The following CNTN5 variants were observed in gnomAD, a reference collection of about 807,000 sequenced individuals.
The protein encoded by CNTN5 is contactin 5.
CNTN5 carries 77 observed loss-of-function variants against 129.1 expected under a neutral mutation model. That is an observed-to-expected ratio of 0.60 (90% CI 0.50 to 0.72). CNTN5 has a LOEUF of 0.72. Among genes scored for constraint, CNTN5 ranks in the 30% least tolerant of loss-of-function variants. The probability of loss-of-function intolerance (pLI) is 0.00; values close to 1 mark genes in which losing one functional copy is unlikely to be tolerated. For missense variants in CNTN5, 1,478 were observed against 1,328.8 expected, an observed-to-expected ratio of 1.11 and a Z score of -1.75; for synonymous variants, 509 against 465.6, an observed-to-expected ratio of 1.09 and a Z score of -1.20.
chr11:99,201,915 T>C (rs1448133794), intron 1 of CNTN5, among the ~76,000 whole-genome samples: 3 of 152,226 alleles, frequency 2.0e-5, no homozygotes, highest in African/African-American at 7.2e-5. Flanking sequence ...GATAGTAGAC[T>C]TGTCTTGTTT....
intron 3 of CNTN5, among the ~76,000 whole-genome samples, chr11:99,783,176 T>G (rs1193925714): frequency 3.4e-5 from 3 of 88,454 alleles, no homozygotes; most frequent in Non-Finnish European, 7.0e-5. Flanking sequence ...AACAGACACT[T>G]CTCAAAAGAA....
intron 3 of CNTN5, among the ~76,000 whole-genome samples, chr11:99,678,198 A>G (rs1953383987): frequency 6.6e-6 from 1 of 152,114 alleles, no homozygotes; most frequent in African/African-American, 2.4e-5. Flanking sequence ...TATTCAGCGA[A>G]TTTCTGAATA....
intron 1 of CNTN5, among the ~76,000 whole-genome samples, chr11:99,220,589 CA>C (rs1406327352): frequency 6.6e-6 from 1 of 151,888 alleles, no homozygotes; most frequent in African/African-American, 2.4e-5. Context: ...AAAGTCATTA[CA>C]AAAGTTATAT....
At chr11:100,154,298 G>A (rs1947162458) in intron 13 of CNTN5, among the ~76,000 whole-genome samples, 1 of 152,020 alleles carries the variant, frequency 6.6e-6, no homozygotes, top group African/African-American at 2.4e-5. Context: ...TTTTATGGCT[G>A]CATAGTATTC....
intron 1 of CNTN5, among the ~76,000 whole-genome samples, chr11:99,124,105 T>C (rs1021081662): frequency 5.3e-5 from 8 of 152,106 alleles, no homozygotes; most frequent in African/African-American, 1.9e-4. Flanking sequence ...ATTACATTTA[T>C]AAATGGCTTT....
At chr11:99,751,444 T>A (rs893010493) in intron 3 of CNTN5, among the ~76,000 whole-genome samples, 1 of 151,436 alleles carries the variant, frequency 6.6e-6, no homozygotes, top group Non-Finnish European at 1.5e-5. Flanking sequence ...GAGAGAAGTA[T>A]TTAAATGGGA....
chr11:99,817,981 A>G (rs897522888), intron 3 of CNTN5, among the ~76,000 whole-genome samples: 2 of 152,192 alleles, frequency 1.3e-5, no homozygotes, highest in Non-Finnish European at 2.9e-5. Flanking sequence ...TGTGGAAAAC[A>G]TCTAAAAATA....
At chr11:100,033,284 G>A (rs1941817588) in intron 9 of CNTN5, among the ~76,000 whole-genome samples, 1 of 152,076 alleles carries the variant, frequency 6.6e-6, no homozygotes, top group African/African-American at 2.4e-5. Context: ...GTGAGAGTGA[G>A]GCAGGAAATA....
chr11:100,151,289 T>A (rs1190039791), intron 13 of CNTN5, among the ~76,000 whole-genome samples: 1 of 152,192 alleles, frequency 6.6e-6, no homozygotes, highest in Non-Finnish European at 1.5e-5. Context: ...AAATATACCA[T>A]GTATGTTTAT....
intron 3 of CNTN5, among the ~76,000 whole-genome samples, chr11:99,640,966 G>A (rs1040421507): frequency 3.3e-5 from 5 of 152,164 alleles, no homozygotes; most frequent in African/African-American, 1.2e-4. Context: ...TGCCTAGTCA[G>A]ACTAACATCT....
intron 7 of CNTN5, among the ~76,000 whole-genome samples, chr11:99,927,850 A>C (rs1039962816): frequency 3.9e-5 from 6 of 152,128 alleles, no homozygotes; most frequent in African/African-American, 1.4e-4. Flanking sequence ...AACAGTCCCC[A>C]AAAATCTTAA....
intron 1 of CNTN5, among the ~76,000 whole-genome samples, chr11:99,253,059 A>C (rs1168095407): frequency 6.6e-6 from 1 of 151,786 alleles, no homozygotes; most frequent in African/African-American, 2.4e-5. Context: ...CCCCACTCAA[A>C]TCTCACCTTG....
At chr11:99,096,430 GAGA>G (rs932915230) in intron 1 of CNTN5, among the ~76,000 whole-genome samples, 4 of 151,792 alleles carry the variant, frequency 2.6e-5, no homozygotes, top group African/African-American at 7.2e-5. Flanking sequence ...CATCCAAGAT[GAGA>G]AGAACAGTCG....
intron 16 of CNTN5, among the ~76,000 whole-genome samples, chr11:100,229,147 T>A (rs1949440113): frequency 6.6e-6 from 1 of 152,164 alleles, no homozygotes; most frequent in Admixed American, 6.6e-5. Flanking sequence ...GGTTTTTTCA[T>A]CTATAAAATT....
intron 3 of CNTN5, among the ~76,000 whole-genome samples, chr11:99,770,963 A>G (rs1480261029): frequency 1.3e-5 from 2 of 152,078 alleles, no homozygotes; most frequent in Non-Finnish European, 2.9e-5. Context: ...AACTGAACAC[A>G]CAACAGAGAT....
intron 6 of CNTN5, among the ~76,000 whole-genome samples, chr11:99,849,462 C>T (rs1344657564): frequency 6.6e-6 from 1 of 151,762 alleles, no homozygotes; most frequent in African/African-American, 2.4e-5. Context: ...AATGTTCTGC[C>T]TTTCCACTAA....
intron 1 of CNTN5, among the ~76,000 whole-genome samples, chr11:99,233,000 C>G (rs757277695): frequency 1.3e-5 from 2 of 152,134 alleles, no homozygotes; most frequent in Non-Finnish European, 2.9e-5. Flanking sequence ...TGCACAAATG[C>G]AGAATGCTTT....
At chr11:99,921,396 G>C (rs1949935613) in intron 7 of CNTN5, among the ~76,000 whole-genome samples, 1 of 152,120 alleles carries the variant, frequency 6.6e-6, no homozygotes, top group African/African-American at 2.4e-5. Flanking sequence ...CCTAGGCCTG[G>C]ATCATGTATA....
intron 8 of CNTN5, among the ~76,000 whole-genome samples, chr11:99,985,396 T>G (rs376764127): frequency 1.3e-5 from 2 of 152,130 alleles, no homozygotes; most frequent in African/African-American, 2.4e-5. Flanking sequence ...TTGTCTCTGC[T>G]CTGAAGTCCA....
Sources: gnomAD v4.1 joint callset for allele counts (sites outside exome capture counted in the v4.1 genomes callset) on GRCh38, gnomAD v4.1.1 for gene constraint, MANE v1.5 for transcripts, NCBI Gene and HGNC (gene_info 2026-07-23, HGNC 2026-07-21) for gene names.